CECR2: variants seen among roughly 807,000 people sequenced by gnomAD.
CECR2 encodes CECR2 histone acetyl-lysine reader, also known as chromatin remodeling regulator CECR2.
Under a neutral mutation model 154.5 loss-of-function variants are expected in CECR2, and 30 were observed. The ratio of observed to expected loss-of-function variants is 0.19; its 90% CI spans 0.15 to 0.26. CECR2 has a LOEUF of 0.26. CECR2 is among the 10% of genes least tolerant of loss of function. The pLI, the probability that CECR2 is intolerant of heterozygous loss-of-function variation, is 1.00. For missense variants in CECR2, 1,743 were observed against 1,829.3 expected (o/e 0.95, Z 0.86); for synonymous variants, 725 against 683.7 (o/e 1.06, Z -0.94).
Position 17,548,197 on chromosome 22 carries a change from A to G in CECR2, c.2910A>G (p.Ser970=). 1 of 1,586,214 alleles carries G rather than the reference A, an allele frequency of 6.3e-7. No individual in the cohort carries two copies. Residue 970 remains serine (S), a synonymous_variant, in exon 17 of 19, where the codon TCA becomes TCG. Transcript: ENST00000262608. The part of the protein sequence containing the change: ...LEEKPPGVGT[S]EGVYLTQLPH... ...AGAAACCACCAGGTGTTGGTACTTCAGAGGGGGTCTACCTCACACAACTAC... is the reference window on the plus strand; with the variant it reads ...AGAAACCACCAGGTGTTGGTACTTCGGAGGGGGTCTACCTCACACAACTAC...
chr22:17,490,542 C>A (rs13053500), intron 2 of CECR2, among the ~76,000 whole-genome samples: 1 of 152,162 alleles, frequency 6.6e-6, no homozygotes, highest in Non-Finnish European at 1.5e-5. Flanking sequence ...GCAAGCAATT[C>A]TCCTGCATCA....
chr22:17,512,371 T>G (rs994481102), intron 8 of CECR2, among the ~76,000 whole-genome samples: 2 of 151,976 alleles, frequency 1.3e-5, no homozygotes, highest in African/African-American at 2.4e-5. Flanking sequence ...TTATATAAAT[T>G]TATATAAAAT....
At chr22:17,512,177 A>G (rs2055969089) in intron 8 of CECR2, among the ~76,000 whole-genome samples, 2 of 152,120 alleles carry the variant, frequency 1.3e-5, no homozygotes, top group Admixed American at 1.3e-4. Context: ...CAGTTCACAA[A>G]TGCAAAGATG....
At chr22:17,524,905 G>GTA in intron 9 of CECR2, 2 of 377,950 alleles carry the variant, frequency 5.3e-6, no homozygotes, top group South Asian at 3.5e-5. Flanking sequence ...GACCTCAAAT[G>GTA]ATCTTGCCGC....
intron 1 of CECR2, among the ~76,000 whole-genome samples, chr22:17,447,302 G>A (rs1412790100): frequency 1.3e-5 from 2 of 151,958 alleles, no homozygotes; most frequent in African/African-American, 2.4e-5. Flanking sequence ...ACAGGCACCT[G>A]CCACCACGCC....
chr22:17,506,776 C>T (rs182822271), intron 7 of CECR2, among the ~76,000 whole-genome samples: 31 of 152,268 alleles, frequency 2.0e-4, no homozygotes, highest in Admixed American at 1.5e-3. Context: ...GCCTCAGCCT[C>T]CCAAGTAGCT....
At chr22:17,502,797 C>T (rs550756223) in intron 5 of CECR2, among the ~76,000 whole-genome samples, 11 of 152,110 alleles carry the variant, frequency 7.2e-5, no homozygotes, top group South Asian at 4.2e-4. Context: ...GGCAAGACTC[C>T]GTCTCAAAAA....
At chr22:17,465,070 C>A (rs972518350) in intron 1 of CECR2, among the ~76,000 whole-genome samples, 1 of 147,738 alleles carries the variant, frequency 6.8e-6, no homozygotes, top group African/African-American at 2.5e-5. Context: ...GATCTCAGCT[C>A]ACTGCAAGCC....
chr22:17,382,873 C>G (rs889472971), intron 1 of CECR2, among the ~76,000 whole-genome samples: 2 of 151,870 alleles, frequency 1.3e-5, no homozygotes, highest in East Asian at 3.9e-4. Flanking sequence ...CTGCACTCCC[C>G]CCTGGGCAGC....
At position 17,552,889 on chromosome 22, in the gene CECR2, T is replaced by C; in HGVS notation, c.*49T>C. ...GCAATGGAAAGCTGCACACGAAGAC[T>C]GGAATGTGGAGAACTGGGGAGTGCC... is the stretch of plus-strand genomic sequence containing the variant. On this transcript the variant is annotated 3_prime_UTR_variant, in exon 19 of 19. Transcript: ENST00000262608. 1 of 1,545,252 alleles carries C rather than the reference T, an allele frequency of 6.5e-7. No individual in the cohort carries two copies. Among genetic ancestry groups the C allele is most frequent in the Non-Finnish European group, 8.7e-7 (1 of 1,143,956 alleles).
intron 7 of CECR2, among the ~76,000 whole-genome samples, chr22:17,510,046 A>G (rs1001709493): frequency 1.3e-5 from 2 of 152,234 alleles, no homozygotes; most frequent in African/African-American, 4.8e-5. Flanking sequence ...ATGTTACAGA[A>G]TATACAGCTT....
intron 1 of CECR2, among the ~76,000 whole-genome samples, chr22:17,474,053 G>T (rs1012061648): frequency 6.7e-6 from 1 of 149,614 alleles, no homozygotes; most frequent in Non-Finnish European, 1.5e-5. Flanking sequence ...GGTACTAACT[G>T]GGGGGGGTTT....
At chr22:17,523,385 A>C (rs1286118416) in intron 8 of CECR2, among the ~76,000 whole-genome samples, 1 of 151,904 alleles carries the variant, frequency 6.6e-6, no homozygotes, top group African/African-American at 2.4e-5. Flanking sequence ...TCTCAAAAAA[A>C]AAAAAGGAAC....
intron 8 of CECR2, among the ~76,000 whole-genome samples, chr22:17,512,842 C>A (rs997902679): frequency 1.3e-5 from 2 of 152,008 alleles, no homozygotes; most frequent in Non-Finnish European, 1.5e-5. Context: ...TCTGGCTGAT[C>A]TGTGGGGAGA....
chr22:17,523,000 A>T (rs2056183251), intron 8 of CECR2, among the ~76,000 whole-genome samples: 1 of 144,744 alleles, frequency 6.9e-6, no homozygotes, highest in Non-Finnish European at 1.5e-5. Context: ...GCAAGACTCC[A>T]TCTCGGGGGG....
At chr22:17,486,689 T>C (rs538777976) in intron 2 of CECR2, among the ~76,000 whole-genome samples, 1 of 152,338 alleles carries the variant, frequency 6.6e-6, no homozygotes, top group South Asian at 2.1e-4. Context: ...CAGTGACTTA[T>C]TAAGTGTAAG....
chr22:17,417,240 A>ATTGAGTTGTT (rs2054170007), intron 1 of CECR2, among the ~76,000 whole-genome samples: 1 of 152,232 alleles, frequency 6.6e-6, no homozygotes, highest in Non-Finnish European at 1.5e-5. Context: ...ATTGAGTGGC[A>ATTGAGTTGTT]CTATCTTTAT....
intron 9 of CECR2, among the ~76,000 whole-genome samples, chr22:17,536,151 G>T (rs560747655): frequency 5.3e-5 from 8 of 152,340 alleles, no homozygotes; most frequent in Non-Finnish European, 1.2e-4. Context: ...GGGAGGCTGA[G>T]GCAGGGGAAT....
intron 1 of CECR2, among the ~76,000 whole-genome samples, chr22:17,414,456 C>CT (rs1189863394): frequency 0.17 from 19,550 of 118,008 alleles, 1,499 homozygotes; most frequent in East Asian, 0.23. Flanking sequence ...TTTCTTTTTT[C>CT]TTTTTTTTTT....
Sources: allele counts gnomAD v4.1 joint callset (sites outside exome capture counted in the v4.1 genomes callset), GRCh38; gene constraint gnomAD v4.1.1; transcripts MANE v1.5; gene names NCBI Gene and HGNC (gene_info 2026-07-23, HGNC 2026-07-21).